The following ADGRL2 variants were observed in gnomAD, a reference collection of about 807,000 sequenced individuals.
ADGRL2 encodes calcium-independent alpha-latrotoxin receptor 2.
A neutral mutation model predicts 157.4 loss-of-function variants in ADGRL2; 44 were observed. The ratio of observed to expected loss-of-function variants is 0.28; its 90% CI spans 0.22 to 0.36. The LOEUF (loss-of-function observed/expected upper bound fraction) is 0.36. Among genes scored for constraint, ADGRL2 ranks in the 10% least tolerant of loss-of-function variants. The pLI, the probability that ADGRL2 is intolerant of heterozygous loss-of-function variation, is 1.00. For missense variants in ADGRL2, 1,510 were observed against 1,768.9 expected, an observed-to-expected ratio of 0.85 and a Z score of 2.63; for synonymous variants, 585 against 624.7, an observed-to-expected ratio of 0.94 and a Z score of 0.95.
At chr1:81,747,047 T>TAC (rs1447979200) in intron 1 of ADGRL2, among the ~76,000 whole-genome samples, 1 of 147,208 alleles carries the variant, frequency 6.8e-6, no homozygotes, top group African/African-American at 2.5e-5. Flanking sequence ...TATATATGTA[T>TAC]ATACGTATAT....
chr1:81,412,441 A>C (rs946965929), intron 1 of ADGRL2, among the ~76,000 whole-genome samples: 1 of 152,224 alleles, frequency 6.6e-6, no homozygotes, highest in Non-Finnish European at 1.5e-5. Flanking sequence ...CTTACAGTTC[A>C]ACTTTAATGT....
chr1:81,633,595 CAAAA>C (rs369967142), intron 3 of ADGRL2, among the ~76,000 whole-genome samples: 1 of 50,272 alleles, frequency 2.0e-5, no homozygotes, highest in Non-Finnish European at 3.6e-5. Context: ...GACTCTGTCT[CAAAA>C]AAAAAAAAAA....
chr1:81,748,478 A>G (rs2149257741), intron 1 of ADGRL2, among the ~76,000 whole-genome samples: 1 of 150,844 alleles, frequency 6.6e-6, no homozygotes, highest in East Asian at 1.9e-4. Flanking sequence ...AAAAAAAAAA[A>G]AAAAAAAAAA....
At chr1:81,707,823 C>T (rs2149062510) in intron 1 of ADGRL2, among the ~76,000 whole-genome samples, 1 of 152,212 alleles carries the variant, frequency 6.6e-6, no homozygotes, top group Middle Eastern at 3.4e-3. Flanking sequence ...CATGCAGATA[C>T]CCCTTTAAGA....
chr1:81,888,024 G>C (rs532291799), intron 2 of ADGRL2, among the ~76,000 whole-genome samples: 1 of 152,154 alleles, frequency 6.6e-6, no homozygotes, highest in Non-Finnish European at 1.5e-5. Context: ...GCCATACTTA[G>C]GCATTTGGAA....
At chr1:81,481,320 G>T (rs2078381767) in intron 2 of ADGRL2, among the ~76,000 whole-genome samples, 1 of 152,194 alleles carries the variant, frequency 6.6e-6, no homozygotes, top group Non-Finnish European at 1.5e-5. Flanking sequence ...ATCACATGGG[G>T]AATGTTTCCC....
chr1:81,317,894 A>ATG (rs534817390), intron 1 of ADGRL2, among the ~76,000 whole-genome samples: 7 of 152,098 alleles, frequency 4.6e-5, no homozygotes, highest in Non-Finnish European at 7.4e-5. Flanking sequence ...GTGTATATAG[A>ATG]TGTGTGTGTG....
chr1:81,341,094 A>G (rs1342909793), intron 1 of ADGRL2, among the ~76,000 whole-genome samples: 1 of 152,174 alleles, frequency 6.6e-6, no homozygotes, highest in Admixed American at 6.5e-5. Context: ...TTTCTTGATA[A>G]CATATCCCTG....
rs1557986339 is a variant in ADGRL2 at position 81,952,100 on chromosome 1, G to C, written c.1752G>C (p.Leu584=). The stretch of plus-strand genomic sequence containing the variant: ...TCCTTGATGCACAGCTGCAGGAACT[G>C]AAACCTAGTGAAAAAGATTCAGCTG... The part of the protein sequence containing the change: ...VDILDAQLQE[L]KPSEKDSAGR... The change falls in exon 9 of 24, where the codon CTG becomes CTC. Residue 584 remains leucine, a synonymous_variant. Transcript: ENST00000686636. 1 of 1,612,984 alleles carries C rather than the reference G, an allele frequency of 6.2e-7. No individual in the cohort carries two copies. The highest frequency in any genetic ancestry group is 1.1e-5 in the South Asian group (1 of 90,948).
At chr1:81,486,967 A>G (rs192684454) in intron 2 of ADGRL2, among the ~76,000 whole-genome samples, 2 of 152,158 alleles carry the variant, frequency 1.3e-5, no homozygotes, top group Admixed American at 1.3e-4. Context: ...AAAGAAATAT[A>G]AAAGTGGGCT....
intron 2 of ADGRL2, among the ~76,000 whole-genome samples, chr1:81,488,821 A>G (rs966908708): frequency 2.0e-5 from 3 of 152,138 alleles, no homozygotes; most frequent in Admixed American, 6.6e-5. Context: ...CCTTAAAAAG[A>G]CCTGATGTCT....
chr1:81,422,942 T>C (rs2077151586), intron 1 of ADGRL2, among the ~76,000 whole-genome samples: 1 of 152,224 alleles, frequency 6.6e-6, no homozygotes, highest in Admixed American at 6.5e-5. Context: ...GCCTCCACAC[T>C]GTTCCCTGCC....
intron 3 of ADGRL2, among the ~76,000 whole-genome samples, chr1:81,931,343 G>A (rs2095226656): frequency 6.6e-6 from 1 of 152,046 alleles, no homozygotes; most frequent in Non-Finnish European, 1.5e-5. Flanking sequence ...TTATTATTGG[G>A]TTTATTTTAG....
chr1:81,829,364 A>G (rs1046318251), intron 1 of ADGRL2, among the ~76,000 whole-genome samples: 2 of 152,188 alleles, frequency 1.3e-5, no homozygotes, highest in Non-Finnish European at 2.9e-5. Flanking sequence ...CCTTTTCTGT[A>G]CAACTCAAGA....
chr1:81,549,130 T>C (rs2080086205), intron 2 of ADGRL2, among the ~76,000 whole-genome samples: 1 of 152,208 alleles, frequency 6.6e-6, no homozygotes, highest in South Asian at 2.1e-4. Context: ...GGCACCAGGA[T>C]GTGGTTACAA....
chr1:81,974,704 C>T (rs375775744), intron 17 of ADGRL2, among the ~76,000 whole-genome samples: 4 of 152,188 alleles, frequency 2.6e-5, no homozygotes, highest in East Asian at 3.9e-4. Flanking sequence ...TAAGCTCAGA[C>T]GGATGTGATT....
chr1:81,979,244 T>C (rs897989173), intron 17 of ADGRL2, among the ~76,000 whole-genome samples: 4 of 151,850 alleles, frequency 2.6e-5, no homozygotes, highest in African/African-American at 9.7e-5. Context: ...AAACAGCATT[T>C]TGTCAGAATG....
intron 3 of ADGRL2, among the ~76,000 whole-genome samples, chr1:81,602,101 A>G (rs1451408136): frequency 6.8e-6 from 1 of 147,582 alleles, no homozygotes; most frequent in Non-Finnish European, 1.5e-5. Context: ...CTCCATATAT[A>G]GATTCTGCTA....
intron 2 of ADGRL2, among the ~76,000 whole-genome samples, chr1:81,532,598 C>CA (rs556846085): frequency 0.36 from 44,199 of 124,094 alleles, 7,280 homozygotes; most frequent in East Asian, 0.53. Flanking sequence ...ATCTGGAAAC[C>CA]AAAAAAAAAA....
Sources: gnomAD v4.1 joint callset for allele counts (sites outside exome capture counted in the v4.1 genomes callset) on GRCh38, gnomAD v4.1.1 for gene constraint, MANE v1.5 for transcripts, NCBI Gene and HGNC (gene_info 2026-07-23, HGNC 2026-07-21) for gene names.